NDC1: variants seen among roughly 807,000 people sequenced by gnomAD.
NDC1 encodes nucleoporin NDC1.
NDC1 carries 24 observed loss-of-function variants against 89.8 expected under a neutral mutation model. That is an observed-to-expected ratio of 0.27 (90% CI 0.19 to 0.38). The LOEUF (loss-of-function observed/expected upper bound fraction) is 0.38, where lower values mean the gene tolerates loss of function less well. Among genes scored for constraint, NDC1 ranks in the 10% least tolerant of loss-of-function variants. NDC1 has a pLI of 1.00. For synonymous variants in NDC1, 296 were observed against 284.8 expected (o/e 1.04, Z -0.39); for missense variants, 728 against 797.6 (o/e 0.91, Z 1.05).
At chr1:53,769,119 G>C (rs563037028) in intron 17 of NDC1, among the ~76,000 whole-genome samples, 1 of 152,304 alleles carries the variant, frequency 6.6e-6, no homozygotes, top group South Asian at 2.1e-4. Flanking sequence ...TGAGGCTGCA[G>C]TGAACTATGC....
intron 16 of NDC1, among the ~76,000 whole-genome samples, chr1:53,783,408 G>A (rs1180159926): frequency 6.6e-6 from 1 of 152,148 alleles, no homozygotes; most frequent in East Asian, 1.9e-4. Context: ...ATAAGGAGGA[G>A]TTTTATACTG....
rs1648936542 is a variant in NDC1 at position 53,828,191 on chromosome 1, T to A, written c.281-18A>T. 1 of 1,611,876 alleles carries A rather than the reference T, an allele frequency of 6.2e-7. No homozygotes were observed. The highest frequency in any genetic ancestry group is 1.1e-5 in the South Asian group (1 of 90,832). Reference sequence around the variant, plus strand: ...AGGCACAACTGCAAAGGAAACACATTACTGTGGCTTTATAACCTACAGCAT... The same window carrying A: ...AGGCACAACTGCAAAGGAAACACATAACTGTGGCTTTATAACCTACAGCAT... On this transcript the variant is annotated intron_variant, in intron 3 of 17. Coordinates refer to ENST00000371429, the MANE Select transcript of NDC1 (RefSeq NM_018087.5).
chr1:53,778,260 T>TACACATAC, intron 16 of NDC1, among the ~76,000 whole-genome samples: 1 of 144,784 alleles, frequency 6.9e-6, no homozygotes, highest in East Asian at 2.1e-4. Context: ...TGTGTGTATA[T>TACACATAC]ACACACACAC....
chr1:53,795,381 C>A (rs55646499), intron 13 of NDC1, among the ~76,000 whole-genome samples: 38,617 of 151,964 alleles, frequency 0.25, 5,915 homozygotes, highest in African/African-American at 0.43. Context: ...CCTACACTAC[C>A]GCTATATGCC....
At chr1:53,768,398 A>G in intron 17 of NDC1, among the ~76,000 whole-genome samples, 1 of 152,162 alleles carries the variant, frequency 6.6e-6, no homozygotes, top group East Asian at 1.9e-4. Context: ...TGAGTTGTGG[A>G]GTATCTGAAT....
At chr1:53,810,999 C>T (rs1050751992) in intron 6 of NDC1, among the ~76,000 whole-genome samples, 1 of 152,232 alleles carries the variant, frequency 6.6e-6, no homozygotes, top group African/African-American at 2.4e-5. Flanking sequence ...TCTGAACACA[C>T]ACCCCCACTG....
At chr1:53,769,688 A>G (rs1647096301) in intron 17 of NDC1, among the ~76,000 whole-genome samples, 1 of 152,258 alleles carries the variant, frequency 6.6e-6, no homozygotes, top group Admixed American at 6.5e-5. Flanking sequence ...CAGATATTAT[A>G]CAATAAGTAT....
intron 5 of NDC1, 91 bp from the exon 6 acceptor site, chr1:53,819,170 C>A: frequency 3.0e-6 from 2 of 666,356 alleles, no homozygotes; most frequent in African/African-American, 1.9e-5. Flanking sequence ...CTGTAACAGT[C>A]TACATAGAAA....
rs1385742995 is a variant in NDC1 at position 53,838,265 on chromosome 1, G to T, written c.-4C>A. The T allele has an allele frequency of 6.5e-7, 1 of 1,537,218 alleles. No individual in the cohort carries two copies. The highest frequency in any genetic ancestry group is 8.7e-7 in the Non-Finnish European group (1 of 1,145,444). Reference sequence around the variant, plus strand: ...GCCGGCTCACGGCCGTGGCCATGGAGATGGCGGCCCCTAGTCTAGGGCGTA... The same window carrying T: ...GCCGGCTCACGGCCGTGGCCATGGATATGGCGGCCCCTAGTCTAGGGCGTA... On this transcript the variant is annotated 5_prime_UTR_variant, in exon 1 of 18. Coordinates refer to ENST00000371429, the MANE Select transcript of NDC1 (RefSeq NM_018087.5).
At chr1:53,796,832 A>T in intron 12 of NDC1, 28 bp from the exon 13 acceptor site, 1 of 1,604,512 alleles carries the variant, frequency 6.2e-7, no homozygotes, top group Non-Finnish European at 8.5e-7. Context: ...AAGGCAAGAT[A>T]AGAACTTAGG....
chr1:53,789,799 CA>C (rs35994081), intron 14 of NDC1, among the ~76,000 whole-genome samples: 453 of 108,872 alleles, frequency 4.2e-3, no homozygotes, highest in Middle Eastern at 5.1e-3. Flanking sequence ...AACTCCATCT[CA>C]AAAAAAAAAA....
chr1:53,801,089 CAA>C (rs1285394411), intron 10 of NDC1, among the ~76,000 whole-genome samples: 6 of 101,630 alleles, frequency 5.9e-5, no homozygotes, highest in Admixed American at 2.0e-4. Flanking sequence ...ACACACATAC[CAA>C]AAAAAAAAAA....
rs1647073574 is a variant in NDC1, at chr1:53,767,254, G to C, written c.*716C>G. The C allele has an allele frequency of 6.6e-6, 1 of 152,138 alleles. No individual in the cohort carries two copies. Among genetic ancestry groups the C allele is most frequent in the South Asian group, 2.1e-4 (1 of 4,832 alleles). 9.4% of individuals were successfully genotyped at this position (152,138 alleles called of 1,614,324 possible). A position where few individuals can be genotyped will look rare whatever the true frequency, so the allele number is the denominator to read the frequency against. ...ATACATTAATACTTCGTGTTTACTA[G>C]CATGATACAAAATAAATTCATAGAT... On this transcript the variant is annotated 3_prime_UTR_variant, in exon 18 of 18. Coordinates refer to ENST00000371429, the MANE Select transcript of NDC1 (RefSeq NM_018087.5).
intron 14 of NDC1, among the ~76,000 whole-genome samples, chr1:53,792,108 A>G (rs894714447): frequency 9.9e-5 from 15 of 151,548 alleles, no homozygotes; most frequent in African/African-American, 3.7e-4. Flanking sequence ...GCGCCTGGCT[A>G]ATTTTTTGTA....
intron 16 of NDC1, among the ~76,000 whole-genome samples, chr1:53,780,874 T>C (rs1478456552): frequency 6.6e-6 from 1 of 151,906 alleles, no homozygotes; most frequent in Non-Finnish European, 1.5e-5. Context: ...TTTTTTTTTT[T>C]TTAGAGACAG....
intron 9 of NDC1, among the ~76,000 whole-genome samples, chr1:53,804,246 A>G (rs551363424): frequency 5.3e-5 from 8 of 152,264 alleles, no homozygotes; most frequent in African/African-American, 1.9e-4. Flanking sequence ...GCTCTTTCAT[A>G]TATCTGCGGT....
At chr1:53,807,274 A>C (rs1402563692) in intron 8 of NDC1, among the ~76,000 whole-genome samples, 3 of 133,612 alleles carry the variant, frequency 2.2e-5, no homozygotes, top group Non-Finnish European at 4.8e-5. Flanking sequence ...AAAAAAAAAA[A>C]TTCTTACTGC....
intron 2 of NDC1, among the ~76,000 whole-genome samples, chr1:53,834,836 G>A (rs912321531): frequency 9.9e-5 from 15 of 152,132 alleles, no homozygotes; most frequent in Admixed American, 3.3e-4. Flanking sequence ...GGCCAGGTGC[G>A]GTGGCTCACA....
At chr1:53,789,753 C>T (rs980846534) in intron 14 of NDC1, among the ~76,000 whole-genome samples, 4 of 149,770 alleles carry the variant, frequency 2.7e-5, no homozygotes, top group Non-Finnish European at 5.9e-5. Flanking sequence ...GAGCTGAGAT[C>T]GCGCCATTGC....
Sources: allele counts gnomAD v4.1 joint callset (sites outside exome capture counted in the v4.1 genomes callset), GRCh38; gene constraint gnomAD v4.1.1; transcripts MANE v1.5; gene names NCBI Gene and HGNC (gene_info 2026-07-23, HGNC 2026-07-21).